WDR43: variants seen among roughly 807,000 people sequenced by gnomAD.
WDR43 encodes WD repeat domain 43.
In WDR43, 13 loss-of-function variants were observed where a neutral mutation model predicts 91.4. The observed-to-expected ratio is 0.14, with a 90% CI of 0.09 to 0.23. The LOEUF is 0.23. WDR43 is among the 10% of genes least tolerant of loss of function. The pLI, the probability that WDR43 is intolerant of heterozygous loss-of-function variation, is 1.00. For missense variants in WDR43, 780 were observed against 809.4 expected (o/e 0.96, Z 0.44); for synonymous variants, 331 against 287.9 (o/e 1.15, Z -1.51).
At chr2:28,937,014 G>A in intron 13 of WDR43, 61 bp downstream of exon 13, 1 of 1,493,308 alleles carries the variant, frequency 6.7e-7, no homozygotes, top group Non-Finnish European at 9.0e-7. Flanking sequence ...TAAATATTAG[G>A]TGGTTCTGAT....
intron 1 of WDR43, among the ~76,000 whole-genome samples, chr2:28,899,716 G>C (rs1311572848): frequency 6.6e-6 from 1 of 152,048 alleles, no homozygotes; most frequent in African/African-American, 2.4e-5. Flanking sequence ...ATTTAGTATG[G>C]GTAATACTTG....
chr2:28,922,176 T>G (rs942728903), intron 6 of WDR43, among the ~76,000 whole-genome samples: 8 of 152,262 alleles, frequency 5.3e-5, no homozygotes, highest in African/African-American at 1.7e-4. Flanking sequence ...TTTCTAGTTT[T>G]TAATTGATAT....
intron 2 of WDR43, among the ~76,000 whole-genome samples, chr2:28,904,843 A>C (rs1306298901): frequency 6.6e-6 from 1 of 152,192 alleles, no homozygotes; most frequent in African/African-American, 2.4e-5. Context: ...TTTTATTCTT[A>C]GCTTAGATAT....
intron 11 of WDR43, among the ~76,000 whole-genome samples, chr2:28,934,268 A>G (rs1386379373): frequency 6.6e-6 from 1 of 152,166 alleles, no homozygotes; most frequent in Non-Finnish European, 1.5e-5. Flanking sequence ...CTGCCTGGGA[A>G]TCGGGGTGGA....
At position 28,927,833 on chromosome 2, in the gene WDR43, T is replaced by TTAA. The variant is rs762751502; in HGVS notation, c.1305+135_1305+136insATA. The TTAA allele has an allele frequency of 6.3e-4, 748 of 1,186,970 alleles. 2 individuals are homozygous for TTAA. The highest frequency in any genetic ancestry group is 7.7e-4 in the Non-Finnish European group (661 of 860,674). 73.5% of individuals were successfully genotyped at this position (1,186,970 alleles called of 1,614,324 possible). A position where few individuals can be genotyped will look rare whatever the true frequency, so the allele number is the denominator to read the frequency against. ...GAGATTTCTCCTGTTATGCTCTCTT[T>TTAA]TATCTTCACCATCATAGATTTCATA... On this transcript the variant is annotated intron_variant, in intron 10 of 17. Transcript: ENST00000407426.
chr2:28,919,304 GCTTT>G lies in WDR43; in HGVS notation c.849+1312_849+1315del, dbSNP rs1253223971. 4.0e-5 allele frequency among the ~76,000 whole-genome samples: 6 copies of G among 151,788 alleles called. No homozygotes were observed. The East Asian group carries it at 1.2e-3, about 29-fold the overall frequency. On this transcript the variant is annotated intron_variant, in intron 6 of 17. Coordinates refer to ENST00000407426, the MANE Select transcript of WDR43 (RefSeq NM_015131.3). ...ATAGCTTCTGTTGCTAATAAACTTG[GCTTT>G]CTAATATGAAATGGGGGCCATTGAT...
At chr2:28,937,247 C>CT in intron 13 of WDR43, among the ~76,000 whole-genome samples, 1 of 152,166 alleles carries the variant, frequency 6.6e-6, no homozygotes, top group East Asian at 1.9e-4. Flanking sequence ...TGCCGAACCT[C>CT]TGATAGCTGC....
intron 4 of WDR43, among the ~76,000 whole-genome samples, chr2:28,913,089 G>T (rs572001715): frequency 6.6e-6 from 1 of 151,706 alleles, no homozygotes; most frequent in African/African-American, 2.4e-5. Context: ...GAGTAGCTGG[G>T]ACTACAGGCG....
intron 14 of WDR43, among the ~76,000 whole-genome samples, chr2:28,938,952 T>G (rs1671385666): frequency 6.7e-6 from 1 of 149,448 alleles, no homozygotes; most frequent in Admixed American, 6.7e-5. Context: ...AGAGGGGTTT[T>G]GGGAGGTGGC....
chr2:28,895,152 C>T (rs1670452833), intron 1 of WDR43: 2 of 369,688 alleles, frequency 5.4e-6, no homozygotes, highest in African/African-American at 2.1e-5. Flanking sequence ...CGTATCCGAG[C>T]CCTGCCGGCT....
intron 11 of WDR43, among the ~76,000 whole-genome samples, chr2:28,933,397 A>G (rs758932309): frequency 1.3e-5 from 2 of 152,260 alleles, no homozygotes; most frequent in African/African-American, 2.4e-5. Flanking sequence ...AATAGACCAT[A>G]GACTTGACTG....
At chr2:28,936,990 T>C in intron 13 of WDR43, 37 bp downstream of exon 13, 1 of 1,543,504 alleles carries the variant, frequency 6.5e-7, no homozygotes, top group Non-Finnish European at 8.8e-7. Context: ...CAGTGTTGTC[T>C]GACAGCATGA....
chr2:28,906,602 C>T, intron 3 of WDR43, 21 bp downstream of exon 3: 2 of 1,606,362 alleles, frequency 1.2e-6, no homozygotes, highest in Non-Finnish European at 1.7e-6. Flanking sequence ...TTCATGGTAT[C>T]AGGAAATGCA....
rs1670586808 is a variant in WDR43, at chr2:28,902,097, A to G, written c.336A>G (p.Val112=). Residue 112 remains valine, a synonymous_variant, in exon 2 of 18, where the codon GTA becomes GTG. Coordinates refer to ENST00000407426, the MANE Select transcript of WDR43 (RefSeq NM_015131.3). ...GTAGCATTTTATTATACAGCACAGT[A>G]AAAGGAGAGTTACACAGTAAATTAA... is the stretch of plus-strand genomic sequence containing the variant. ...AVGSILLYST[V]KGELHSKLIS... The G allele has an allele frequency of 1.9e-6, 3 of 1,592,912 alleles. No individual in the cohort carries two copies. The highest frequency in any genetic ancestry group is 1.7e-4 in the Middle Eastern group (1 of 5,988).
rs186076085 is a variant in WDR43, at chr2:28,919,465, G to A, written c.849+1470G>A. ...AGGTGGATCATGAGGTCAGGAGATCGAGACCACGGTGAAACCCTGTCTCTA... is the reference window on the plus strand; with the variant it reads ...AGGTGGATCATGAGGTCAGGAGATCAAGACCACGGTGAAACCCTGTCTCTA... On this transcript the variant is annotated intron_variant, in intron 6 of 17. Transcript: ENST00000407426. Among the ~76,000 whole-genome samples the A allele has an allele frequency of 6.1e-3, 922 of 152,134 alleles. 9 individuals are homozygous for A. Among genetic ancestry groups the A allele is most frequent in the African/African-American group, 0.021 (858 of 41,504 alleles).
intron 10 of WDR43, among the ~76,000 whole-genome samples, chr2:28,928,945 GA>G (rs1157974906): frequency 6.6e-6 from 1 of 152,156 alleles, no homozygotes; most frequent in Admixed American, 6.5e-5. Flanking sequence ...AGAGTGCTGG[GA>G]TTACAGGTGA....
intron 5 of WDR43, among the ~76,000 whole-genome samples, 182 bp from the exon 6 acceptor site, chr2:28,917,711 T>A (rs1670941551): frequency 6.6e-6 from 1 of 152,214 alleles, no homozygotes; most frequent in South Asian, 2.1e-4. Context: ...AGCAACCATG[T>A]TATATGGTAG....
chr2:28,926,607 A>G, intron 9 of WDR43, 53 bp downstream of exon 9: 2 of 1,423,930 alleles, frequency 1.4e-6, no homozygotes, highest in African/African-American at 2.9e-5. Context: ...TCTTTGGGTG[A>G]ATGGAACTGT....
chr2:28,933,381 A>G (rs1259152870), intron 11 of WDR43, among the ~76,000 whole-genome samples: 8 of 152,250 alleles, frequency 5.3e-5, no homozygotes, highest in African/African-American at 1.2e-4. Context: ...ACAAAAATCA[A>G]TGCAAAATAG....
Sources: allele counts gnomAD v4.1 joint callset (sites outside exome capture counted in the v4.1 genomes callset), GRCh38; gene constraint gnomAD v4.1.1; transcripts MANE v1.5; gene names NCBI Gene and HGNC (gene_info 2026-07-23, HGNC 2026-07-21).